KCND2: variants seen among roughly 807,000 people sequenced by gnomAD.
KCND2 encodes the protein potassium voltage-gated channel subfamily D member 2.
Under a neutral mutation model 54.4 loss-of-function variants are expected in KCND2, and 16 were observed. The ratio of observed to expected loss-of-function variants is 0.29; its 90% CI spans 0.20 to 0.45. The LOEUF is 0.45. Ranked by LOEUF, KCND2 falls within the 20% of genes least tolerant of loss-of-function variation. The pLI, the probability that KCND2 is intolerant of heterozygous loss-of-function variation, is 1.00. For synonymous variants in KCND2, 317 were observed against 310.7 expected (o/e 1.02, Z -0.21); for missense variants, 486 against 824.2 (o/e 0.59, Z 5.02).
intron 1 of KCND2, among the ~76,000 whole-genome samples, chr7:120,503,413 A>G: frequency 6.7e-6 from 1 of 150,314 alleles, no homozygotes; most frequent in African/African-American, 2.5e-5. Context: ...AGAGAGTTGA[A>G]AGCCATGGCC....
chr7:120,736,147 C>T (rs1412925943), intron 2 of KCND2, among the ~76,000 whole-genome samples: 2 of 151,950 alleles, frequency 1.3e-5, no homozygotes, highest in Non-Finnish European at 2.9e-5. Flanking sequence ...ATTCAATTGC[C>T]ACACTAAGAC....
intron 1 of KCND2, among the ~76,000 whole-genome samples, chr7:120,372,639 G>T (rs903122755): frequency 1.2e-4 from 18 of 151,782 alleles, no homozygotes; most frequent in African/African-American, 4.1e-4. Context: ...TTATTAAATT[G>T]TAGGCCCTTT....
chr7:120,698,942 G>T (rs1253345472), intron 1 of KCND2, among the ~76,000 whole-genome samples: 1 of 152,100 alleles, frequency 6.6e-6, no homozygotes, highest in Non-Finnish European at 1.5e-5. Flanking sequence ...ATTAAAACAG[G>T]AGACTTGTTG....
At chr7:120,598,571 A>T (rs748800898) in intron 1 of KCND2, among the ~76,000 whole-genome samples, 13 of 4,108 alleles carry the variant, frequency 3.2e-3, no homozygotes, top group Non-Finnish European at 4.4e-3. Flanking sequence ...TTGGTGGGGC[A>T]GGGGGGGCGG....
At chr7:120,372,004 TG>T (rs1800772321) in intron 1 of KCND2, among the ~76,000 whole-genome samples, 1 of 152,102 alleles carries the variant, frequency 6.6e-6, no homozygotes, top group African/African-American at 2.4e-5. Flanking sequence ...TTAGGTTGAT[TG>T]CATATCCTTG....
intron 1 of KCND2, among the ~76,000 whole-genome samples, chr7:120,541,201 A>T (rs1269899070): frequency 2.6e-5 from 4 of 152,146 alleles, no homozygotes; most frequent in Non-Finnish European, 5.9e-5. Flanking sequence ...TTTTAAACCT[A>T]GACACCAAAT....
At chr7:120,436,828 A>T (rs1440359694) in intron 1 of KCND2, among the ~76,000 whole-genome samples, 1 of 152,172 alleles carries the variant, frequency 6.6e-6, no homozygotes, top group Non-Finnish European at 1.5e-5. Context: ...GTACTGCTTC[A>T]GGCTAAAGGC....
At chr7:120,635,051 C>T (rs937436672) in intron 1 of KCND2, among the ~76,000 whole-genome samples, 1 of 152,200 alleles carries the variant, frequency 6.6e-6, no homozygotes, top group African/African-American at 2.4e-5. Flanking sequence ...TTAGCAAGTC[C>T]TTTTCCAGTC....
intron 1 of KCND2, among the ~76,000 whole-genome samples, chr7:120,665,553 G>A (rs2116565737): frequency 6.6e-6 from 1 of 151,952 alleles, no homozygotes; most frequent in Non-Finnish European, 1.5e-5. Flanking sequence ...CATTCCTTCA[G>A]GGTATGAAGG....
intron 1 of KCND2, among the ~76,000 whole-genome samples, chr7:120,680,957 A>C (rs1478338321): frequency 6.6e-6 from 1 of 152,130 alleles, no homozygotes; most frequent in African/African-American, 2.4e-5. Flanking sequence ...GTGACATGCT[A>C]ACATAATACT....
At chr7:120,640,969 G>A (rs1793363737) in intron 1 of KCND2, among the ~76,000 whole-genome samples, 1 of 152,134 alleles carries the variant, frequency 6.6e-6, no homozygotes, top group Non-Finnish European at 1.5e-5. Context: ...ATACTGTCCA[G>A]CCATTGGAGA....
chr7:120,363,859 C>T (rs764867184), intron 1 of KCND2, among the ~76,000 whole-genome samples: 6 of 152,108 alleles, frequency 3.9e-5, no homozygotes, highest in East Asian at 3.9e-4. Flanking sequence ...GTTTCTGTTG[C>T]TCACTCTGCC....
intron 1 of KCND2, among the ~76,000 whole-genome samples, chr7:120,700,573 C>T (rs974291765): frequency 1.3e-5 from 2 of 152,166 alleles, no homozygotes; most frequent in Non-Finnish European, 2.9e-5. Context: ...ATCATCAAAA[C>T]ATTATGGCCC....
At chr7:120,688,160 A>AT (rs1373626842) in intron 1 of KCND2, among the ~76,000 whole-genome samples, 17 of 152,182 alleles carry the variant, frequency 1.1e-4, no homozygotes, top group African/African-American at 4.1e-4. Flanking sequence ...AAAATTGCAA[A>AT]TAACTGAAGT....
At chr7:120,533,436 A>T (rs1791865971) in intron 1 of KCND2, among the ~76,000 whole-genome samples, 1 of 152,076 alleles carries the variant, frequency 6.6e-6, no homozygotes, top group Non-Finnish European at 1.5e-5. Context: ...TAGGCTAAGG[A>T]TTTCTAACAT....
At chr7:120,665,000 A>T (rs73219470) in intron 1 of KCND2, among the ~76,000 whole-genome samples, 1 of 152,188 alleles carries the variant, frequency 6.6e-6, no homozygotes, top group Non-Finnish European at 1.5e-5. Flanking sequence ...GTTCTGGCTT[A>T]TTGCTTTTCA....
At chr7:120,352,028 T>G (rs1441224527) in intron 1 of KCND2, among the ~76,000 whole-genome samples, 1 of 151,996 alleles carries the variant, frequency 6.6e-6, no homozygotes, top group Non-Finnish European at 1.5e-5. Flanking sequence ...GCCAGGATGG[T>G]CTCAATCTCT....
intron 1 of KCND2, among the ~76,000 whole-genome samples, chr7:120,580,356 G>A (rs766868570): frequency 9.2e-5 from 14 of 152,276 alleles, no homozygotes; most frequent in Middle Eastern, 3.4e-3. Flanking sequence ...AAAGGAGAAG[G>A]TGACATGGTG....
In KCND2 at chr7:120,745,892, G is replaced by A. The variant is rs373833879; in HGVS notation, c.1580G>A (p.Ser527Asn). The A allele has an allele frequency of 1.9e-6, 3 of 1,613,884 alleles. No homozygotes were observed. Among genetic ancestry groups the A allele is most frequent in the African/African-American group, 1.3e-5 (1 of 74,998 alleles). Residue 527 changes from serine to asparagine, a missense_variant, in exon 5 of 6, where the codon AGC becomes AAC. Physicochemically the swap from Ser to Asn is conservative, Grantham distance 46 (BLOSUM62 1). Transcript: ENST00000331113. Reference sequence around the variant, plus strand: ...CTGTCTTCACAACAAGGAGTCACCAGCACCTGCTGTTCACGACGACACAAA... The same window carrying A: ...CTGTCTTCACAACAAGGAGTCACCAACACCTGCTGTTCACGACGACACAAA... Reference protein sequence around the residue: ...PSLSSQQGVTSTCCSRRHKKT... With the variant: ...PSLSSQQGVTNTCCSRRHKKT...
Sources: allele counts gnomAD v4.1 joint callset (sites outside exome capture counted in the v4.1 genomes callset), GRCh38; gene constraint gnomAD v4.1.1; transcripts MANE v1.5; gene names NCBI Gene and HGNC (gene_info 2026-07-23, HGNC 2026-07-21).